PRLR: variants seen among roughly 807,000 people sequenced by gnomAD.
PRLR encodes prolactin receptor, also known as hPRL receptor.
Under a neutral mutation model 40.2 loss-of-function variants are expected in PRLR, and 13 were observed. The observed-to-expected ratio is 0.32, with a 90% confidence interval of 0.21 to 0.51. The LOEUF (loss-of-function observed/expected upper bound fraction) is 0.51. PRLR is among the 20% of genes least tolerant of loss of function. The pLI, the probability that PRLR is intolerant of heterozygous loss-of-function variation, is 0.97. For synonymous variants in PRLR, 269 were observed against 278.7 expected (o/e 0.97, Z 0.35); for missense variants, 656 against 747.3 (o/e 0.88, Z 1.42).
intron 5 of PRLR, among the ~76,000 whole-genome samples, chr5:35,073,309 C>T (rs1182923953): frequency 6.6e-6 from 1 of 152,182 alleles, no homozygotes; most frequent in Non-Finnish European, 1.5e-5. Flanking sequence ...CTCCCATAAG[C>T]TAAATGGAGG....
At chr5:35,147,733 G>A (rs1024453598) in intron 1 of PRLR, among the ~76,000 whole-genome samples, 1 of 152,124 alleles carries the variant, frequency 6.6e-6, no homozygotes, top group South Asian at 2.1e-4. Flanking sequence ...CAGAAGAAAG[G>A]CCTTGGTTTA....
At chr5:35,203,547 A>G (rs1387054265) in intron 1 of PRLR, among the ~76,000 whole-genome samples, 1 of 152,148 alleles carries the variant, frequency 6.6e-6, no homozygotes, top group African/African-American at 2.4e-5. Flanking sequence ...TTTGGACCCA[A>G]TGTCATTCTT....
intron 1 of PRLR, among the ~76,000 whole-genome samples, chr5:35,186,177 T>C (rs923847598): frequency 6.6e-6 from 1 of 152,190 alleles, no homozygotes; most frequent in East Asian, 1.9e-4. Context: ...ATCTCACTAA[T>C]AACTATATTA....
At chr5:35,177,240 G>A (rs1181417666) in intron 1 of PRLR, among the ~76,000 whole-genome samples, 4 of 151,814 alleles carry the variant, frequency 2.6e-5, no homozygotes, top group East Asian at 1.9e-4. Flanking sequence ...CTGGTTCCCC[G>A]GGTCCCCTTA....
rs564679191 is a variant in PRLR at position 35,093,893 on chromosome 5, A to G, written c.-43-4230T>C. Among the ~76,000 whole-genome samples the G allele has an allele frequency of 5.3e-5, 8 of 152,340 alleles. No homozygotes were observed. In the South Asian group the frequency reaches 1.7e-3, roughly 32 times the overall value. ...ATTGCCTACAGTATTCAGTTCTGTGACAGCTGTATAGGTTTGTAGCCTGGG... is the reference window on the plus strand; with the variant it reads ...ATTGCCTACAGTATTCAGTTCTGTGGCAGCTGTATAGGTTTGTAGCCTGGG... On this transcript the variant is annotated intron_variant, in intron 2 of 9. Transcript: ENST00000618457.
intron 5 of PRLR, among the ~76,000 whole-genome samples, chr5:35,079,556 G>C (rs976750645): frequency 6.6e-6 from 1 of 152,194 alleles, no homozygotes; most frequent in African/African-American, 2.4e-5. Flanking sequence ...TGAAATAAAA[G>C]AGGATACACA....
intron 5 of PRLR, among the ~76,000 whole-genome samples, chr5:35,072,958 T>C (rs1157629528): frequency 1.3e-5 from 2 of 152,208 alleles, no homozygotes; most frequent in Non-Finnish European, 2.9e-5. Flanking sequence ...GTAAGAATAA[T>C]AAGCAGCTGG....
chr5:35,107,969 TC>T (rs1177111100), intron 2 of PRLR, among the ~76,000 whole-genome samples: 1 of 152,072 alleles, frequency 6.6e-6, no homozygotes, highest in Non-Finnish European at 1.5e-5. Context: ...GATGCAAAAA[TC>T]TTCAATAAAA....
Position 35,089,615 on chromosome 5 carries a change from C to T in PRLR, c.6G>A (p.Lys2=). Residue 2 remains lysine (K), a synonymous_variant, in exon 3 of 10, where the codon AAG becomes AAA. Transcript: ENST00000618457. ...AAACGGTTGCAGATGCCACATTTTC[C>T]TTCATGTTGGCTGCCTTCTCTTGCT... is the stretch of plus-strand genomic sequence containing the variant. M[K]ENVASATVFT... is the part of the protein sequence containing the mutation. 3 of 1,613,968 alleles carry T rather than the reference C, an allele frequency of 1.9e-6. No homozygotes were observed. The highest frequency in any genetic ancestry group is 2.5e-6 in the Non-Finnish European group (3 of 1,179,916).
At position 35,056,998 on chromosome 5, in the gene PRLR, A is replaced by G. The variant is rs1052005950; in HGVS notation, c.*8091T>C. Reference sequence around the variant, plus strand: ...CTAGGTTTAGATCCATTAAAAGATTATCCATTTACACTTCATCTGATGGAT... The same window carrying G: ...CTAGGTTTAGATCCATTAAAAGATTGTCCATTTACACTTCATCTGATGGAT... On this transcript the variant is annotated 3_prime_UTR_variant, in exon 10 of 10. Coordinates refer to ENST00000618457, the MANE Select transcript of PRLR (RefSeq NM_000949.7). 19 of 152,212 alleles carry G rather than the reference A, an allele frequency of 1.2e-4. 1 individual carries two copies. The highest frequency in any genetic ancestry group is 1.0e-3 in the Admixed American group (16 of 15,276). 9.4% of individuals were successfully genotyped at this position (152,212 alleles called of 1,614,324 possible). A position where few individuals can be genotyped will look rare whatever the true frequency, so the allele number is the denominator to read the frequency against.
Position 35,142,015 on chromosome 5 carries a change from G to C in PRLR, c.-105-23893C>G, listed in dbSNP as rs561196069. Among the ~76,000 whole-genome samples the C allele has an allele frequency of 2.0e-5, 3 of 152,294 alleles. No individual in the cohort carries two copies. The East Asian group carries it at 5.8e-4, about 29-fold the overall frequency. On this transcript the variant is annotated intron_variant, in intron 1 of 9. Transcript: ENST00000618457. Reference sequence around the variant, plus strand: ...AATAGCTATTCATAACCCACACTCAGAGTTGGAAAAAATGGCAATTCTCGA... The same window carrying C: ...AATAGCTATTCATAACCCACACTCACAGTTGGAAAAAATGGCAATTCTCGA...
intron 1 of PRLR, among the ~76,000 whole-genome samples, chr5:35,156,007 A>G (rs954943932): frequency 1.3e-5 from 2 of 152,122 alleles, no homozygotes; most frequent in Non-Finnish European, 2.9e-5. Context: ...CATATTTCAA[A>G]TCAGCCAGGT....
At chr5:35,111,376 G>A (rs1189819684) in intron 2 of PRLR, among the ~76,000 whole-genome samples, 1 of 152,186 alleles carries the variant, frequency 6.6e-6, no homozygotes, top group East Asian at 1.9e-4. Flanking sequence ...ACTTCTGGCT[G>A]CTAGATGGTA....
chr5:35,055,187 A>G (rs1478449914), downstream of PRLR, among the ~76,000 whole-genome samples: 1 of 152,230 alleles, frequency 6.6e-6, no homozygotes, highest in African/African-American at 2.4e-5. Context: ...CGAACAAAAG[A>G]AAATGTGAAA....
chr5:35,168,357 T>C (rs1388318884), intron 1 of PRLR, among the ~76,000 whole-genome samples: 2 of 152,064 alleles, frequency 1.3e-5, no homozygotes, highest in Admixed American at 6.6e-5. Flanking sequence ...AATGACTTAA[T>C]TGACGTTTAT....
intron 1 of PRLR, among the ~76,000 whole-genome samples, chr5:35,209,302 C>T (rs900907026): frequency 1.3e-5 from 2 of 152,134 alleles, no homozygotes; most frequent in Non-Finnish European, 2.9e-5. Flanking sequence ...TGCTGGACAG[C>T]TGGCATTTAT....
At chr5:35,049,415 T>C in intron 8 of PRLR, 1 of 702,790 alleles carries the variant, frequency 1.4e-6, no homozygotes, top group South Asian at 1.5e-5. Flanking sequence ...TCACCTGGAG[T>C]GGGGAAGAAA....
At chr5:35,081,548 T>C (rs893555651) in intron 5 of PRLR, 43 of 156,018 alleles carry the variant, frequency 2.8e-4, no homozygotes, top group Middle Eastern at 3.1e-3. Flanking sequence ...ACTTCTTTTA[T>C]GATTTTGAAA....
chr5:35,067,268 T>C (rs1024879511), intron 9 of PRLR, among the ~76,000 whole-genome samples: 3 of 152,202 alleles, frequency 2.0e-5, no homozygotes, highest in Non-Finnish European at 4.4e-5. Context: ...CTAACACATA[T>C]TTTTGAGACA....
Sources: allele counts gnomAD v4.1 joint callset (sites outside exome capture counted in the v4.1 genomes callset), GRCh38; gene constraint gnomAD v4.1.1; transcripts MANE v1.5; gene names NCBI Gene and HGNC (gene_info 2026-07-23, HGNC 2026-07-21).